KASH5: variants seen among roughly 807,000 people sequenced by gnomAD.
KASH5 encodes protein KASH5.
Under a neutral mutation model 84.2 loss-of-function variants are expected in KASH5, and 72 were observed. The observed-to-expected ratio is 0.85, with a 90% CI of 0.71 to 1.04. The LOEUF (loss-of-function observed/expected upper bound fraction) is 1.04, where lower values mean the gene tolerates loss of function less well. Among genes scored for constraint, KASH5 ranks in the 50% least tolerant of loss-of-function variants. The probability of loss-of-function intolerance (pLI) is 0.00; values close to 1 mark genes in which losing one functional copy is unlikely to be tolerated. For synonymous variants in KASH5, 260 were observed against 279.1 expected, an observed-to-expected ratio of 0.93 and a Z score of 0.68; for missense variants, 650 against 701.0, an observed-to-expected ratio of 0.93 and a Z score of 0.82.
intron 2 of KASH5, 63 bp downstream of exon 2, chr19:49,390,989 GC>G: frequency 6.4e-7 from 1 of 1,566,996 alleles, no homozygotes; most frequent in Non-Finnish European, 8.7e-7. Flanking sequence ...GTGAATGGGT[GC>G]CAGGCTGTGA....
chr19:49,394,644 G>C, intron 3 of KASH5, 64 bp downstream of exon 3: 1 of 1,299,518 alleles, frequency 7.7e-7, no homozygotes, highest in Non-Finnish European at 1.1e-6. Context: ...GCTGGGAACT[G>C]GGGAGCCTCA....
At chr19:49,394,449 G>A (rs1974106957) in intron 2 of KASH5, 27 bp from the exon 3 acceptor site, 1 of 1,580,596 alleles carries the variant, frequency 6.3e-7, no homozygotes, top group Non-Finnish European at 8.7e-7. Flanking sequence ...CTTCCCACTG[G>A]TGAGCTGAGC....
chr19:49,407,421 G>C (rs1974562978), intron 11 of KASH5, 125 bp downstream of exon 11: 2 of 1,163,106 alleles, frequency 1.7e-6, no homozygotes, highest in Admixed American at 4.2e-5. Context: ...GAGACTGGAG[G>C]GTTTCCCCAG....
Position 49,395,032 on chromosome 19 carries a change from T to C in KASH5, c.149-74T>C, listed in dbSNP as rs1042390143. 1.2e-5 allele frequency: 14 copies of C among 1,215,660 alleles called. No homozygotes were observed. The African/African-American group carries it at 1.8e-4, about 16-fold the overall frequency. The allele number at this position is 1,215,660 out of a possible 1,614,324, so 75.3% of individuals were successfully genotyped here. ...ACCAGCCTAGCCAGTGACATCCTGG[T>C]CCCAAGCTGCTGCCAGTCCATACCC... On this transcript the variant is annotated intron_variant, in intron 3 of 19. Transcript: ENST00000447857. The surrounding 1 kb of genome is among the most constrained non-coding windows in gnomAD (Gnocchi z 4.4).
rs1974141488 is a variant in KASH5, at chr19:49,395,372, C to G, written c.335+80C>G. ...CATACCTGCTTACTGGAGCCAGCAT[C>G]CTTTAGGCCCAAGGACCTACTGTGT... is the stretch of plus-strand genomic sequence containing the variant. On this transcript the variant is annotated intron_variant, in intron 4 of 19. Transcript: ENST00000447857. This position sits in a 1 kb window ranked among gnomAD's most constrained non-coding sequence, Gnocchi z 4.4. The G allele has an allele frequency of 9.6e-6, 14 of 1,454,622 alleles. No individual in the cohort carries two copies. 90.1% of individuals were successfully genotyped at this position (1,454,622 alleles called of 1,614,324 possible).
Position 49,417,351 on chromosome 19 carries a change from C to T in KASH5, c.1548-18C>T, listed in dbSNP as rs374841571. On this transcript the variant is annotated intron_variant, in intron 19 of 19. Coordinates refer to ENST00000447857, the MANE Select transcript of KASH5 (RefSeq NM_144688.5). The surrounding 1 kb of genome is among the most constrained non-coding windows in gnomAD (Gnocchi z 5.2). ...CTGCCCAGACCCTGCCCTAAATGCT[C>T]TCCCACCTCCCCACCAGAGTCACTC... 8.9e-5 allele frequency: 138 copies of T among 1,552,920 alleles called. No homozygotes were observed. The highest frequency in any genetic ancestry group is 4.9e-5 in the East Asian group (2 of 41,232).
Position 49,407,659 on chromosome 19 carries a change from A to G in KASH5, c.981A>G (p.Arg327=), listed in dbSNP as rs1014121155. 2 of 1,604,700 alleles carry G rather than the reference A, an allele frequency of 1.2e-6. No homozygotes were observed. Among genetic ancestry groups the G allele is most frequent in the Non-Finnish European group, 1.7e-6 (2 of 1,175,754 alleles). The change falls in exon 12 of 20, where the codon AGA becomes AGG. Residue 327 remains arginine, a synonymous_variant. Transcript: ENST00000447857. ...TGGCCCAGACCCTGGAAGAATACAG[A>G]GTGACGACGCAGGTAACTCAGCGGC... ...ESLAQTLEEY[R]VTTQELRLEI...
rs904481513 is a variant in KASH5, at chr19:49,416,281, C to T, written c.1375-734C>T. 1.3e-5 allele frequency among the ~76,000 whole-genome samples: 2 copies of T among 152,166 alleles called. No homozygotes were observed. The highest frequency in any genetic ancestry group is 2.4e-5 in the African/African-American group (1 of 41,426). On this transcript the variant is annotated intron_variant, in intron 17 of 19. Transcript: ENST00000447857. The surrounding 1 kb of genome is among the most constrained non-coding windows in gnomAD (Gnocchi z 5.4). ...GATCTCGGCTCACTGCAAGCTCCACCTCCCAGGTTCACACCATTCTCCTGC... is the reference window on the plus strand; with the variant it reads ...GATCTCGGCTCACTGCAAGCTCCACTTCCCAGGTTCACACCATTCTCCTGC...
In KASH5 at chr19:49,398,127, C is replaced by A; in HGVS notation, c.613C>A (p.Arg205Ser). The change falls in exon 7 of 20, where the codon CGT (arginine) becomes AGT (serine). Residue 205 changes from arginine (R) to serine (S), a missense_variant. Transcript: ENST00000447857. ...CCTTGGGGAGGAGATCTTGGCTCTG[C>A]GTAAGCAGCTTCACAGGTGGGCTGG... The part of the protein sequence containing the change: ...ARLGEEILAL[R>S]KQLHSTQQAL... 1.3e-6 allele frequency: 2 copies of A among 1,584,622 alleles called. No homozygotes were observed. Among genetic ancestry groups the A allele is most frequent in the Non-Finnish European group, 1.7e-6 (2 of 1,158,840 alleles).
In KASH5 at chr19:49,395,169, A is replaced by G. The variant is rs1391170444; in HGVS notation, c.212A>G (p.Asp71Gly). ...GCTGTGACAGGCCAGGGCCCCCAGGATGCACGCCTCCAAACATTGGCCAAC... is the reference window on the plus strand; with the variant it reads ...GCTGTGACAGGCCAGGGCCCCCAGGGTGCACGCCTCCAAACATTGGCCAAC... ...LEAVTGQGPQDARLQTLANSL... is the reference protein window; with the variant it reads ...LEAVTGQGPQGARLQTLANSL... Residue 71 changes from aspartate (D) to glycine (G), a missense_variant, in exon 4 of 20, where the codon GAT (aspartate) becomes GGT (glycine). Physicochemically the swap from Asp to Gly is moderately conservative, Grantham distance 94. Transcript: ENST00000447857. This position sits in a 1 kb window ranked among gnomAD's most constrained non-coding sequence, Gnocchi z 4.4. 5.0e-6 allele frequency: 8 copies of G among 1,612,916 alleles called. No homozygotes were observed. The highest frequency in any genetic ancestry group is 1.3e-5 in the African/African-American group (1 of 74,852).
intron 12 of KASH5, 134 bp downstream of exon 12, chr19:49,407,805 CTG>C (rs760625615): frequency 5.0e-6 from 4 of 806,268 alleles, no homozygotes; most frequent in Admixed American, 2.0e-5. Context: ...TGATGTATGA[CTG>C]TATGACTGCA....
At chr19:49,415,107 C>T (rs1429431171) in intron 17 of KASH5, 111 bp downstream of exon 17, 9 of 1,045,310 alleles carry the variant, frequency 8.6e-6, no homozygotes, top group Non-Finnish European at 1.3e-5. Context: ...TCCTCAGGAG[C>T]AGAGAGAAAA....
intron 2 of KASH5, among the ~76,000 whole-genome samples, chr19:49,392,632 C>G (rs1974037873): frequency 6.6e-6 from 1 of 152,144 alleles, no homozygotes; most frequent in Non-Finnish European, 1.5e-5. Context: ...ACTGAGAGGG[C>G]TGGGTATGGT....
chr19:49,407,492 C>T, intron 11 of KASH5, 120 bp from the exon 12 acceptor site: 3 of 1,197,544 alleles, frequency 2.5e-6, no homozygotes, highest in Non-Finnish European at 2.4e-6. Flanking sequence ...TCCCTTGTGC[C>T]CCAGCTCTTC....
intron 2 of KASH5, among the ~76,000 whole-genome samples, chr19:49,393,073 G>C (rs1234777380): frequency 2.0e-5 from 3 of 152,180 alleles, no homozygotes; most frequent in Non-Finnish European, 1.5e-5. Flanking sequence ...AATCCTGGAA[G>C]AGTTAGAGGG....
At position 49,412,295 on chromosome 19, in the gene KASH5, GAC is replaced by G. The variant is rs1277922645; in HGVS notation, c.1270-671_1270-670del. Among the ~76,000 whole-genome samples the G allele has an allele frequency of 1.3e-5, 2 of 152,072 alleles. No individual in the cohort carries two copies. The highest frequency in any genetic ancestry group is 2.9e-5 in the Non-Finnish European group (2 of 68,010). On this transcript the variant is annotated intron_variant, in intron 15 of 19. Coordinates refer to ENST00000447857, the MANE Select transcript of KASH5 (RefSeq NM_144688.5). The surrounding 1 kb of genome is among the most constrained non-coding windows in gnomAD (Gnocchi z 4.6). Reference sequence around the variant, plus strand: ...CCCTAGGGATGGAGGAAAAGGGACAGACAGACATAATTGGGGTGGAGGGACAG... The same window carrying G: ...CCCTAGGGATGGAGGAAAAGGGACAGAGACATAATTGGGGTGGAGGGACAG...
chr19:49,397,597 T>G, intron 5 of KASH5, 54 bp from the exon 6 acceptor site: 3 of 1,561,472 alleles, frequency 1.9e-6, no homozygotes, highest in Non-Finnish European at 2.6e-6. Flanking sequence ...CCTGGGGCAC[T>G]TTACGTTTAA....
chr19:49,403,827 A>G (rs1301595692), intron 9 of KASH5, among the ~76,000 whole-genome samples: 1 of 152,208 alleles, frequency 6.6e-6, no homozygotes, highest in African/African-American at 2.4e-5. Flanking sequence ...TCGGCCCTCG[A>G]TAAACTGGAG....
In KASH5 at chr19:49,398,034, C is replaced by T. The variant is rs780824032; in HGVS notation, c.520C>T (p.Arg174Ter). Residue 174 changes from arginine to a stop codon, truncating the protein, a stop_gained, in exon 7 of 20, where the codon CGA becomes TGA. Coordinates refer to ENST00000447857, the MANE Select transcript of KASH5 (RefSeq NM_144688.5). LOFTEE classifies it high-confidence loss of function. The stretch of plus-strand genomic sequence containing the variant: ...CCTGGAGGACCTGGAGCTCAGCAAC[C>T]GACGTCTGGTTGGGGAGAATGCCAA... ...SSLEDLELSN[R>*]RLVGENAKLQ... The T allele has an allele frequency of 8.1e-6, 13 of 1,613,810 alleles. No individual in the cohort carries two copies. Among genetic ancestry groups the T allele is most frequent in the Admixed American group, 1.7e-5 (1 of 59,992 alleles).
Sources: allele counts gnomAD v4.1 joint callset (sites outside exome capture counted in the v4.1 genomes callset), GRCh38; gene constraint gnomAD v4.1.1; non-coding constraint Gnocchi (gnomAD v3.1); transcripts MANE v1.5; gene names NCBI Gene and HGNC (gene_info 2026-07-23, HGNC 2026-07-21).